Variants in MAGI1 observed in about 807,000 individuals in gnomAD.
MAGI1 encodes membrane associated guanylate kinase, WW and PDZ domain containing 1.
Under a neutral mutation model 139.9 loss-of-function variants are expected in MAGI1, and 58 were observed. The ratio of observed to expected loss-of-function variants is 0.41; its 90% CI spans 0.34 to 0.52. The LOEUF (loss-of-function observed/expected upper bound fraction) is 0.52. Among genes scored for constraint, MAGI1 ranks in the 20% least tolerant of loss-of-function variants. The probability of loss-of-function intolerance (pLI) is 0.12; values close to 1 mark genes in which losing one functional copy is unlikely to be tolerated. For missense variants in MAGI1, 1,874 were observed against 1,901.6 expected, an observed-to-expected ratio of 0.99 and a Z score of 0.27; for synonymous variants, 812 against 737.9, an observed-to-expected ratio of 1.10 and a Z score of -1.63.
chr3:65,588,059 G>A (rs2081778417), intron 2 of MAGI1, among the ~76,000 whole-genome samples: 2 of 152,042 alleles, frequency 1.3e-5, no homozygotes, highest in African/African-American at 4.8e-5. Flanking sequence ...TTTCTGAACA[G>A]CCCCAAATCG....
Position 65,430,844 on chromosome 3 carries a change from T to G in MAGI1, c.1401A>C (p.Lys467Asn). 6.2e-7 allele frequency: 1 copy of G among 1,613,548 alleles called. No homozygotes were observed. The highest frequency in any genetic ancestry group is 8.5e-7 in the Non-Finnish European group (1 of 1,179,730). Residue 467 changes from lysine (K) to asparagine (N), a missense_variant, in exon 11 of 23, where the codon AAA (lysine) becomes AAC (asparagine). Physicochemically the swap from Lys to Asn is moderately conservative, Grantham distance 94 (BLOSUM62 0). Around this residue, in one of 5 missense-constraint regions of MAGI1, gnomAD observed 648 missense variants for 598.1 expected, o/e 1.08. Coordinates refer to ENST00000402939, the MANE Select transcript of MAGI1 (RefSeq NM_001033057.2). ...PFFTRNPSEL[K>N]GKFIHTKLRK... ...GCAGCTTTGTGTGAATGAACTTGCC[T>G]TTCAACTCAGAAGGGTTTCGTGTAA...
intron 1 of MAGI1, among the ~76,000 whole-genome samples, chr3:65,703,922 G>T (rs1031839658): frequency 1.3e-5 from 2 of 152,204 alleles, no homozygotes; most frequent in Non-Finnish European, 2.9e-5. Context: ...TCTTAGACAT[G>T]CATGGGCTTA....
chr3:65,423,062 G>A (rs1172400199), intron 12 of MAGI1, among the ~76,000 whole-genome samples: 1 of 152,198 alleles, frequency 6.6e-6, no homozygotes, highest in Admixed American at 6.5e-5. Flanking sequence ...GGGGTGAGAT[G>A]TAAACCAAGT....
chr3:65,623,382 T>G (rs17073204), intron 1 of MAGI1, among the ~76,000 whole-genome samples: 4 of 152,252 alleles, frequency 2.6e-5, no homozygotes, highest in Non-Finnish European at 5.9e-5. Context: ...AAATGTGTCA[T>G]AGAAAAGAGA....
intron 1 of MAGI1, among the ~76,000 whole-genome samples, chr3:65,683,623 G>C (rs2087750003): frequency 6.7e-6 from 1 of 148,324 alleles, no homozygotes; most frequent in Admixed American, 6.8e-5. Context: ...TTAGAAAATG[G>C]GCAAAAGACC....
At chr3:65,833,992 C>T (rs914586387) in intron 1 of MAGI1, among the ~76,000 whole-genome samples, 24 of 152,202 alleles carry the variant, frequency 1.6e-4, no homozygotes, top group Admixed American at 1.2e-3. Context: ...AGTCCATTTG[C>T]AAATTCTTAC....
At chr3:65,937,888 T>C (rs959357277) in intron 1 of MAGI1, among the ~76,000 whole-genome samples, 3 of 152,206 alleles carry the variant, frequency 2.0e-5, no homozygotes, top group African/African-American at 7.2e-5. Context: ...ATCATTCCGT[T>C]TGTTGGAAAA....
intron 1 of MAGI1, among the ~76,000 whole-genome samples, chr3:65,826,125 T>TG (rs2042216993): frequency 1.3e-5 from 2 of 152,108 alleles, no homozygotes; most frequent in South Asian, 4.1e-4. Context: ...CACATATACA[T>TG]GCATGGAAAA....
chr3:65,725,839 T>C (rs944744346), intron 1 of MAGI1, among the ~76,000 whole-genome samples: 2 of 152,020 alleles, frequency 1.3e-5, no homozygotes, highest in Admixed American at 6.6e-5. Context: ...AGCTGGTTGC[T>C]CCAACGTTAG....
chr3:65,804,389 T>C (rs2040709252), intron 1 of MAGI1, among the ~76,000 whole-genome samples: 1 of 151,696 alleles, frequency 6.6e-6, no homozygotes, highest in Non-Finnish European at 1.5e-5. Context: ...TTGATATAAA[T>C]TTATTGGTAT....
At chr3:65,549,602 T>G in intron 2 of MAGI1, 7 of 388,812 alleles carry the variant, frequency 1.8e-5, no homozygotes, top group Non-Finnish European at 2.1e-5. Context: ...CAATGCGCGC[T>G]ATTCACACTC....
chr3:65,703,673 G>C (rs1172804069), intron 1 of MAGI1, among the ~76,000 whole-genome samples: 3 of 152,202 alleles, frequency 2.0e-5, no homozygotes, highest in Non-Finnish European at 4.4e-5. Flanking sequence ...CTAATTTATA[G>C]TTTAGATGAC....
intron 1 of MAGI1, among the ~76,000 whole-genome samples, chr3:65,836,756 T>C (rs1452154483): frequency 6.6e-6 from 1 of 151,846 alleles, no homozygotes; most frequent in Non-Finnish European, 1.5e-5. Flanking sequence ...AGGCGGAGGT[T>C]GCAGCCTGGG....
chr3:65,611,004 A>T (rs2083057591), intron 2 of MAGI1, among the ~76,000 whole-genome samples: 1 of 129,982 alleles, frequency 7.7e-6, no homozygotes, highest in South Asian at 2.4e-4. Flanking sequence ...TACTATATAC[A>T]TATATACATA....
At chr3:65,367,450 A>G (rs2106771668) in intron 18 of MAGI1, among the ~76,000 whole-genome samples, 1 of 152,270 alleles carries the variant, frequency 6.6e-6, no homozygotes, top group South Asian at 2.1e-4. Flanking sequence ...AATTTTAAGC[A>G]TAGTAAAATT....
intron 1 of MAGI1, among the ~76,000 whole-genome samples, chr3:65,697,205 C>A (rs1165348666): frequency 2.0e-5 from 3 of 152,048 alleles, no homozygotes; most frequent in Non-Finnish European, 4.4e-5. Context: ...AGACCAATAA[C>A]AGGAGCTGAA....
At chr3:65,720,646 C>A (rs1365923618) in intron 1 of MAGI1, among the ~76,000 whole-genome samples, 4 of 152,178 alleles carry the variant, frequency 2.6e-5, no homozygotes, top group Non-Finnish European at 4.4e-5. Context: ...TAAAGCTTCC[C>A]TTTCATACCA....
At chr3:65,715,915 C>T (rs930574942) in intron 1 of MAGI1, among the ~76,000 whole-genome samples, 4 of 152,200 alleles carry the variant, frequency 2.6e-5, no homozygotes, top group Non-Finnish European at 5.9e-5. Flanking sequence ...GACAGCTGCA[C>T]ATCTCAGTTG....
At chr3:66,027,057 CAGG>C (rs1480464388) in intron 1 of MAGI1, among the ~76,000 whole-genome samples, 1 of 151,594 alleles carries the variant, frequency 6.6e-6, no homozygotes, top group Non-Finnish European at 1.5e-5. Flanking sequence ...ATCACAAGGT[CAGG>C]AGATCGAGAT....
Sources: allele counts gnomAD v4.1 joint callset (sites outside exome capture counted in the v4.1 genomes callset), GRCh38; gene constraint gnomAD v4.1.1; regional missense constraint gnomAD v4.1.1; transcripts MANE v1.5; gene names NCBI Gene and HGNC (gene_info 2026-07-23, HGNC 2026-07-21).